Variants in PDCD11 observed in about 807,000 individuals in gnomAD.
The protein encoded by PDCD11 is programmed cell death 11.
In PDCD11, 97 loss-of-function variants were observed where a neutral mutation model predicts 198.9. That is an observed-to-expected ratio of 0.49 (90% CI 0.41 to 0.58). The LOEUF is 0.58. PDCD11 is among the 20% of genes least tolerant of loss of function. The pLI, the probability that PDCD11 is intolerant of heterozygous loss-of-function variation, is 0.00. For synonymous variants in PDCD11, 893 were observed against 918.0 expected, an observed-to-expected ratio of 0.97 and a Z score of 0.49; for missense variants, 2,102 against 2,312.7, an observed-to-expected ratio of 0.91 and a Z score of 1.87.
At chr10:103,406,358 AG>A (rs1269648440) in intron 6 of PDCD11, among the ~76,000 whole-genome samples, 1 of 152,198 alleles carries the variant, frequency 6.6e-6, no homozygotes, top group African/African-American at 2.4e-5. Flanking sequence ...CACTGCAATT[AG>A]GGCCCCCATG....
At chr10:103,402,686 G>A (rs1174300254) in intron 3 of PDCD11, among the ~76,000 whole-genome samples, 4 of 151,946 alleles carry the variant, frequency 2.6e-5, no homozygotes, top group Non-Finnish European at 4.4e-5. Flanking sequence ...TGATCCACCC[G>A]CCTCAGCCTC....
chr10:103,416,405 C>T, intron 12 of PDCD11, 86 bp from the exon 13 acceptor site: 1 of 1,447,886 alleles, frequency 6.9e-7, no homozygotes, highest in Non-Finnish European at 9.5e-7. Flanking sequence ...GGCCCCGTGG[C>T]TTTTGGGTTT....
rs892496981 is a variant in PDCD11, at chr10:103,427,400, G to A, written c.3368+9G>A. 1 of 1,606,952 alleles carries A rather than the reference G, an allele frequency of 6.2e-7. No homozygotes were observed. Among genetic ancestry groups the A allele is most frequent in the Non-Finnish European group, 8.5e-7 (1 of 1,175,592 alleles). ...CTGAGTGTTCGGCCAAGGTGAGGGG[G>A]ACATTAGCAGCACTGTCTTACGGAA... On this transcript the variant is annotated intron_variant, in intron 21 of 35. Transcript: ENST00000369797.
chr10:103,409,604 G>T, intron 7 of PDCD11, 95 bp from the exon 8 acceptor site: 1 of 790,414 alleles, frequency 1.3e-6, no homozygotes, highest in Non-Finnish European at 2.2e-6. Context: ...CACAGTTAGG[G>T]ATACTATGGC....
intron 17 of PDCD11, among the ~76,000 whole-genome samples, chr10:103,422,053 A>ATTT (rs1244839495): frequency 2.7e-4 from 32 of 119,544 alleles, no homozygotes; most frequent in Non-Finnish European, 5.1e-4. Flanking sequence ...AAAGTGCACA[A>ATTT]TTTTATTATT....
chr10:103,442,782 G>A (rs1237027690), intron 32 of PDCD11, among the ~76,000 whole-genome samples: 2 of 152,324 alleles, frequency 1.3e-5, no homozygotes, highest in East Asian at 3.9e-4. Flanking sequence ...CCCTGTGGTG[G>A]TTTTCCAAAC....
intron 22 of PDCD11, among the ~76,000 whole-genome samples, chr10:103,433,663 G>C (rs184037521): frequency 6.6e-6 from 1 of 152,216 alleles, no homozygotes; most frequent in African/African-American, 2.4e-5. Context: ...CTGTGGGATT[G>C]GTTCTCCAGT....
intron 7 of PDCD11, among the ~76,000 whole-genome samples, chr10:103,407,212 A>G (rs371596599): frequency 6.6e-6 from 1 of 152,130 alleles, no homozygotes; most frequent in East Asian, 1.9e-4. Flanking sequence ...TTCTGCTGGT[A>G]TCTCTTGATT....
chr10:103,409,791 T>G lies in PDCD11; in HGVS notation c.963T>G (p.Tyr321Ter), dbSNP rs1178530050. 1 of 1,612,580 alleles carries G rather than the reference T, an allele frequency of 6.2e-7. No individual in the cohort carries two copies. ...MHLDPKKAGT[Y>*]FSNQAVRACI... ...TGGATCCCAAGAAAGCTGGAACATA[T>G]TTCTCAAATCAGGCAGTAAGAAATG... The change falls in exon 8 of 36, where the codon TAT (tyrosine) becomes TAG (stop). Residue 321 changes from tyrosine to a stop codon, truncating the protein, a stop_gained. Transcript: ENST00000369797. LOFTEE classifies it high-confidence loss of function.
intron 20 of PDCD11, 107 bp downstream of exon 20, chr10:103,425,632 T>C (rs1465254957): frequency 2.2e-6 from 2 of 913,496 alleles, no homozygotes; most frequent in African/African-American, 3.3e-5. Flanking sequence ...TCAGATTCTC[T>C]TTTAGTTAAC....
intron 22 of PDCD11, among the ~76,000 whole-genome samples, chr10:103,433,339 A>G (rs935767652): frequency 3.1e-4 from 47 of 152,232 alleles, no homozygotes; most frequent in African/African-American, 1.1e-3. Flanking sequence ...TACTAAAAAT[A>G]CAAAAATTTA....
rs1007901582 is a variant in PDCD11 at position 103,440,913 on chromosome 10, C to T, written c.4557+63C>T. The T allele has an allele frequency of 3.6e-5, 40 of 1,106,452 alleles. No individual in the cohort carries two copies. In the African/African-American group the frequency reaches 5.9e-4, roughly 16 times the overall value. 68.5% of individuals were successfully genotyped at this position (1,106,452 alleles called of 1,614,324 possible). ...GGCAAGGGAAGAGCTGGGCCATCCT[C>T]TGCCTCATCCTCTTTTACTTCATTT... On this transcript the variant is annotated intron_variant, in intron 30 of 35. Transcript: ENST00000369797.
At chr10:103,405,370 T>G (rs2030383503) in intron 5 of PDCD11, 187 bp downstream of exon 5, 1 of 512,032 alleles carries the variant, frequency 2.0e-6, no homozygotes. Flanking sequence ...ACCTAATCAT[T>G]ACATTGGAGA....
At chr10:103,412,968 T>C in intron 8 of PDCD11, 148 bp from the exon 9 acceptor site, 1 of 644,532 alleles carries the variant, frequency 1.6e-6, no homozygotes. Context: ...TCTGCTTGAG[T>C]GTGGAAGCCA....
chr10:103,442,409 T>C lies in PDCD11; in HGVS notation c.4904T>C (p.Ile1635Thr). ...YMAFHLQATE[I>T]EKARAVAERA... is the part of the protein sequence containing the mutation. ...GCTTTCCACCTGCAGGCCACGGAGA[T>C]CGAGAAGGCCCGTGCCGTGGCTGAG... Residue 1635 changes from isoleucine (I) to threonine (T), a missense_variant, in exon 32 of 36, where the codon ATC (isoleucine) becomes ACC (threonine). Ile to Thr is a moderately conservative substitution (Grantham distance 89). Coordinates refer to ENST00000369797, the MANE Select transcript of PDCD11 (RefSeq NM_014976.2). 1 of 1,614,192 alleles carries C rather than the reference T, an allele frequency of 6.2e-7. No homozygotes were observed. The highest frequency in any genetic ancestry group is 1.1e-5 in the South Asian group (1 of 91,088).
At chr10:103,401,418 G>A (rs779217763) in intron 3 of PDCD11, among the ~76,000 whole-genome samples, 28 of 151,974 alleles carry the variant, frequency 1.8e-4, no homozygotes, top group Non-Finnish European at 4.0e-4. Flanking sequence ...GATTACAGGT[G>A]TCTCACCACG....
At position 103,406,035 on chromosome 10, in the gene PDCD11, C is replaced by T. The variant is rs1212742481; in HGVS notation, c.615C>T (p.Asp205=). The T allele has an allele frequency of 6.2e-7, 1 of 1,614,122 alleles. No individual in the cohort carries two copies. Among genetic ancestry groups the T allele is most frequent in the South Asian group, 1.1e-5 (1 of 91,086 alleles). The part of the protein sequence containing the change: ...SSLEDHGYLV[D]IGVDGTRAFL... Reference sequence around the variant, plus strand: ...TGGAAGACCATGGCTACCTAGTGGACATTGGTGTTGATGGGACCAGAGCTT... The same window carrying T: ...TGGAAGACCATGGCTACCTAGTGGATATTGGTGTTGATGGGACCAGAGCTT... Residue 205 remains aspartate (D), a synonymous_variant, in exon 6 of 36, where the codon GAC becomes GAT. Coordinates refer to ENST00000369797, the MANE Select transcript of PDCD11 (RefSeq NM_014976.2).
At chr10:103,420,100 G>A (rs2031342588) in intron 16 of PDCD11, among the ~76,000 whole-genome samples, 1 of 151,672 alleles carries the variant, frequency 6.6e-6, no homozygotes, top group Non-Finnish European at 1.5e-5. Flanking sequence ...ACCTGGCCAA[G>A]GATACTTTAC....
chr10:103,398,316 G>A, intron 1 of PDCD11, 100 bp from the exon 2 acceptor site: 4 of 730,530 alleles, frequency 5.5e-6, no homozygotes, highest in Non-Finnish European at 9.9e-6. Flanking sequence ...ATGTTGTCTA[G>A]CATATTGCTG....
Sources: gnomAD v4.1 joint callset for allele counts (sites outside exome capture counted in the v4.1 genomes callset) on GRCh38, gnomAD v4.1.1 for gene constraint, MANE v1.5 for transcripts, NCBI Gene and HGNC (gene_info 2026-07-23, HGNC 2026-07-21) for gene names.